ABR: variants seen among roughly 807,000 people sequenced by gnomAD.
ABR encodes active breakpoint cluster region-related protein.
Under a neutral mutation model 107.2 loss-of-function variants are expected in ABR, and 35 were observed. The ratio of observed to expected loss-of-function variants is 0.33; its 90% CI spans 0.25 to 0.43. The LOEUF (loss-of-function observed/expected upper bound fraction) is 0.43. ABR is among the 20% of genes least tolerant of loss of function. The probability of loss-of-function intolerance (pLI) is 1.00; values close to 1 mark genes in which losing one functional copy is unlikely to be tolerated. For synonymous variants in ABR, 498 were observed against 462.0 expected, an observed-to-expected ratio of 1.08 and a Z score of -1.00; for missense variants, 815 against 1,115.2, an observed-to-expected ratio of 0.73 and a Z score of 3.83.
chr17:1,021,859 C>T (rs1047125163), intron 16 of ABR, among the ~76,000 whole-genome samples: 2 of 139,596 alleles, frequency 1.4e-5, no homozygotes, highest in South Asian at 2.3e-4. Flanking sequence ...GGGACAGGAA[C>T]GCTAGAAAAT....
At chr17:1,044,544 G>C (rs766539323) in intron 16 of ABR, among the ~76,000 whole-genome samples, 3 of 151,906 alleles carry the variant, frequency 2.0e-5, no homozygotes, top group Admixed American at 1.3e-4. Context: ...CCAGCTACTC[G>C]GGAGGCTGGG....
intron 1 of ABR, among the ~76,000 whole-genome samples, chr17:1,146,812 G>C (rs113562772): frequency 7.9e-6 from 1 of 126,776 alleles, no homozygotes; most frequent in Non-Finnish European, 1.7e-5. Flanking sequence ...ACTGCCACCA[G>C]GCCACCACTG....
chr17:1,214,659 G>A (rs540906500), intron 1 of ABR, among the ~76,000 whole-genome samples: 61 of 152,208 alleles, frequency 4.0e-4, no homozygotes, highest in African/African-American at 1.4e-3. Flanking sequence ...AAATTAGCCA[G>A]GCGTAGTGGC....
At chr17:1,105,003 CTTTTTTTTT>C (rs748696872) in intron 2 of ABR, among the ~76,000 whole-genome samples, 26 of 125,768 alleles carry the variant, frequency 2.1e-4, no homozygotes, top group African/African-American at 7.3e-4. Flanking sequence ...TTTACAGTAA[CTTTTTTTTT>C]TTTTTTTTTT....
At chr17:1,207,092 C>A (rs1443412068) in intron 1 of ABR, among the ~76,000 whole-genome samples, 3 of 97,988 alleles carry the variant, frequency 3.1e-5, no homozygotes, top group South Asian at 3.0e-4. Flanking sequence ...TCAAAACAAA[C>A]AAAAAAAAAA....
intron 9 of ABR, among the ~76,000 whole-genome samples, chr17:1,069,756 C>T (rs575747046): frequency 2.3e-4 from 34 of 150,532 alleles, no homozygotes; most frequent in African/African-American, 7.8e-4. Flanking sequence ...CCACTGGACT[C>T]ACACACTCAC....
At chr17:1,135,322 G>A (rs1002946332) in intron 1 of ABR, among the ~76,000 whole-genome samples, 3 of 152,064 alleles carry the variant, frequency 2.0e-5, no homozygotes, top group Admixed American at 6.6e-5. Context: ...GGCTCTTGCC[G>A]GCCACATCAT....
chr17:1,012,532 G>A (rs1296524214), intron 18 of ABR, 156 bp downstream of exon 18: 9 of 707,794 alleles, frequency 1.3e-5, no homozygotes, highest in South Asian at 4.5e-5. Context: ...GCGCCTCTGC[G>A]GCCACTCTAG....
chr17:1,161,555 A>AT (rs533692775), intron 1 of ABR, among the ~76,000 whole-genome samples: 1,790 of 131,638 alleles, frequency 0.014, 24 homozygotes, highest in African/African-American at 0.031. Flanking sequence ...CAAAGTCACT[A>AT]TTTTTTTTTT....
chr17:1,021,790 C>CA (rs2071686110), intron 16 of ABR, among the ~76,000 whole-genome samples: 1 of 138,016 alleles, frequency 7.2e-6, no homozygotes. Flanking sequence ...AGCCTGGCGG[C>CA]AGAAAAAAAA....
chr17:1,201,726 T>C (rs1416298147), intron 1 of ABR, among the ~76,000 whole-genome samples: 2 of 151,692 alleles, frequency 1.3e-5, no homozygotes, highest in African/African-American at 2.4e-5. Flanking sequence ...CCCAGGCTGG[T>C]GTGCAGTGGC....
At chr17:1,173,292 C>T (rs2041807162) in intron 1 of ABR, among the ~76,000 whole-genome samples, 1 of 138,960 alleles carries the variant, frequency 7.2e-6, no homozygotes, top group Admixed American at 7.0e-5. Context: ...CCACCCAACA[C>T]ATCACCTCAG....
chr17:1,174,140 A>G (rs570634664), intron 1 of ABR, among the ~76,000 whole-genome samples: 1 of 152,220 alleles, frequency 6.6e-6, no homozygotes, highest in African/African-American at 2.4e-5. Flanking sequence ...CTTCCAGCCA[A>G]TTCCCCACAA....
chr17:1,109,159 G>GAGGAGGGAGGA, intron 2 of ABR: 3 of 1,275,364 alleles, frequency 2.4e-6, no homozygotes, highest in East Asian at 5.7e-5. Flanking sequence ...GCGGGAGGGG[G>GAGGAGGGAGGA]GGCAGGTCTA....
intron 2 of ABR, among the ~76,000 whole-genome samples, chr17:1,110,881 G>A (rs2038634501): frequency 6.6e-6 from 1 of 152,186 alleles, no homozygotes; most frequent in Non-Finnish European, 1.5e-5. Context: ...CCCTGCCTGG[G>A]TGGGTTATAA....
chr17:1,153,013 A>G (rs2040862545), intron 1 of ABR, among the ~76,000 whole-genome samples: 1 of 152,228 alleles, frequency 6.6e-6, no homozygotes, highest in Non-Finnish European at 1.5e-5. Context: ...CGCCTGAACC[A>G]ATGAGCCGAG....
intron 1 of ABR, among the ~76,000 whole-genome samples, chr17:1,156,762 C>G (rs1301067260): frequency 6.6e-6 from 1 of 152,152 alleles, no homozygotes; most frequent in Non-Finnish European, 1.5e-5. Context: ...GTGAGTTCCA[C>G]TACTATCCCC....
intron 1 of ABR, among the ~76,000 whole-genome samples, chr17:1,204,007 G>A (rs1239511036): frequency 2.0e-5 from 3 of 152,136 alleles, no homozygotes; most frequent in Non-Finnish European, 4.4e-5. Context: ...GGGAGGGCAC[G>A]AGAAACCACC....
At chr17:1,020,893 C>T (rs1367918358) in intron 16 of ABR, among the ~76,000 whole-genome samples, 1 of 152,144 alleles carries the variant, frequency 6.6e-6, no homozygotes, top group Non-Finnish European at 1.5e-5. Flanking sequence ...GGCCAGCTCC[C>T]CGTGCTCGGA....
Sources: gnomAD v4.1 joint callset for allele counts (sites outside exome capture counted in the v4.1 genomes callset) on GRCh38, gnomAD v4.1.1 for gene constraint, MANE v1.5 for transcripts, NCBI Gene and HGNC (gene_info 2026-07-23, HGNC 2026-07-21) for gene names.